Variants in PGGT1B observed in about 807,000 individuals in gnomAD.
The protein encoded by PGGT1B is protein geranylgeranyltransferase type I subunit beta.
In PGGT1B, 30 loss-of-function variants were observed where a neutral mutation model predicts 46.1. The observed-to-expected ratio is 0.65, with a 90% CI of 0.49 to 0.88. The LOEUF (loss-of-function observed/expected upper bound fraction) is 0.88. PGGT1B is among the 40% of genes least tolerant of loss of function. The pLI, the probability that PGGT1B is intolerant of heterozygous loss-of-function variation, is 0.00. For synonymous variants in PGGT1B, 170 were observed against 160.0 expected (o/e 1.06, Z -0.47); for missense variants, 376 against 455.9 (o/e 0.82, Z 1.60).
chr5:115,261,249 C>G (rs1181773072), intron 1 of PGGT1B, among the ~76,000 whole-genome samples: 1 of 152,154 alleles, frequency 6.6e-6, no homozygotes, highest in Non-Finnish European at 1.5e-5. Flanking sequence ...AAGGTATAGG[C>G]TCTGCTAATC....
chr5:115,229,412 G>C lies in PGGT1B; in HGVS notation c.658+1564C>G, dbSNP rs1174018475. On this transcript the variant is annotated intron_variant, in intron 6 of 8. Coordinates refer to ENST00000419445, the MANE Select transcript of PGGT1B (RefSeq NM_005023.4). ...TCAAACCTACCAAGCCAAATTTATA[G>C]ATAGAAGGAAGATATACGCTTTGGG... Among the ~76,000 whole-genome samples the C allele has an allele frequency of 3.3e-5, 5 of 152,256 alleles. No individual in the cohort carries two copies. In the South Asian group the frequency reaches 1.0e-3, roughly 32 times the overall value.
intron 1 of PGGT1B, chr5:115,262,386 G>GTCCTTT: frequency 3.1e-6 from 1 of 326,264 alleles, no homozygotes; most frequent in Non-Finnish European, 5.8e-6. Context: ...GACAAACTTT[G>GTCCTTT]TCCTTTTCCT....
At chr5:115,261,859 G>C (rs906259443) in intron 1 of PGGT1B, among the ~76,000 whole-genome samples, 2 of 152,110 alleles carry the variant, frequency 1.3e-5, no homozygotes, top group African/African-American at 4.8e-5. Context: ...TGCTTGTCTT[G>C]TTCAGCTGTA....
chr5:115,226,370 A>T (rs1337945595), intron 6 of PGGT1B, among the ~76,000 whole-genome samples: 1 of 152,104 alleles, frequency 6.6e-6, no homozygotes, highest in East Asian at 1.9e-4. Context: ...TCTGGACCCA[A>T]GTATTTTGGA....
rs1756106060 is a variant in PGGT1B, at chr5:115,207,729, T to C, written c.*4673A>G. On this transcript the variant is annotated 3_prime_UTR_variant, in exon 9 of 9. Transcript: ENST00000419445. ...CTAGATACATATTCATATCTGCAAA[T>C]AGTTTTACCTCTTCCTTTCCAATTC... The C allele has an allele frequency of 6.6e-6, 1 of 152,060 alleles. No homozygotes were observed. Among genetic ancestry groups the C allele is most frequent in the African/African-American group, 2.4e-5 (1 of 41,462 alleles). 9.4% of individuals were successfully genotyped at this position (152,060 alleles called of 1,614,324 possible).
chr5:115,218,071 C>T (rs532709812), intron 7 of PGGT1B, among the ~76,000 whole-genome samples: 1 of 151,662 alleles, frequency 6.6e-6, no homozygotes, highest in South Asian at 2.1e-4. Flanking sequence ...ATAAAGGTAA[C>T]CTTATATAGC....
chr5:115,227,099 A>G (rs1756812638), intron 6 of PGGT1B, among the ~76,000 whole-genome samples: 1 of 152,144 alleles, frequency 6.6e-6, no homozygotes, highest in African/African-American at 2.4e-5. Flanking sequence ...ACAAAGCTAG[A>G]CTGGAATCAG....
intron 1 of PGGT1B, among the ~76,000 whole-genome samples, chr5:115,257,358 CAA>C (rs1336245699): frequency 6.6e-6 from 1 of 151,718 alleles, no homozygotes; most frequent in African/African-American, 2.4e-5. Context: ...ACTAAAAATA[CAA>C]AAAGTCAGCT....
In PGGT1B at chr5:115,206,602, C is replaced by G. The variant is rs917704498; in HGVS notation, c.*5800G>C. 6.6e-6 allele frequency: 1 copy of G among 152,024 alleles called. No individual in the cohort carries two copies. Among genetic ancestry groups the G allele is most frequent in the African/African-American group, 2.4e-5 (1 of 41,438 alleles). The allele number at this position is 152,024 out of a possible 1,614,324, so 9.4% of individuals were successfully genotyped here. A position where few individuals can be genotyped will look rare whatever the true frequency, so the allele number is the denominator to read the frequency against. The stretch of plus-strand genomic sequence containing the variant: ...TTTCATTTATTCAACATTACGAATG[C>G]CTTCCAATATCCATACTTTAACAGT... On this transcript the variant is annotated 3_prime_UTR_variant, in exon 9 of 9. Transcript: ENST00000419445.
chr5:115,209,876 G>C lies in PGGT1B; in HGVS notation c.*2526C>G, dbSNP rs1470124167. On this transcript the variant is annotated 3_prime_UTR_variant, in exon 9 of 9. Coordinates refer to ENST00000419445, the MANE Select transcript of PGGT1B (RefSeq NM_005023.4). ...TTACCCTTATTTTATCCACGGCAGA[G>C]TTAGGGTCCAAGATCATGCTGCTGA... 6.6e-6 allele frequency: 1 copy of C among 152,000 alleles called. No homozygotes were observed. Among genetic ancestry groups the C allele is most frequent in the Non-Finnish European group, 1.5e-5 (1 of 67,998 alleles). 9.4% of individuals were successfully genotyped at this position (152,000 alleles called of 1,614,324 possible). A position where few individuals can be genotyped will look rare whatever the true frequency, so the allele number is the denominator to read the frequency against.
intron 1 of PGGT1B, among the ~76,000 whole-genome samples, chr5:115,256,473 G>T (rs553709982): frequency 1.6e-4 from 24 of 152,302 alleles, no homozygotes; most frequent in African/African-American, 5.1e-4. Flanking sequence ...GCTCCTGAAA[G>T]TCCAGCATTT....
At chr5:115,246,131 C>A (rs1444849806) in intron 2 of PGGT1B, among the ~76,000 whole-genome samples, 2 of 152,098 alleles carry the variant, frequency 1.3e-5, no homozygotes, top group Admixed American at 1.3e-4. Flanking sequence ...GTGGGTGGAT[C>A]ACCTGAGGTC....
In PGGT1B at chr5:115,205,944, T is replaced by A. The variant is rs937739016; in HGVS notation, c.*6458A>T. On this transcript the variant is annotated 3_prime_UTR_variant, in exon 9 of 9. Transcript: ENST00000419445. ...GAAAAATAAGGCACTGATTAATCAG[T>A]GCCTCATTTGCCATTAAAATGGTAA... The A allele has an allele frequency of 1.7e-5, 2 of 115,066 alleles. No homozygotes were observed. The highest frequency in any genetic ancestry group is 3.6e-5 in the Non-Finnish European group (2 of 55,158). The allele number at this position is 115,066 out of a possible 1,614,324, so 7.1% of individuals were successfully genotyped here.
At chr5:115,257,869 C>A (rs1347020396) in intron 1 of PGGT1B, among the ~76,000 whole-genome samples, 1 of 152,076 alleles carries the variant, frequency 6.6e-6, no homozygotes, top group African/African-American at 2.4e-5. Flanking sequence ...GAAGAGAGAG[C>A]CTTAGATGAT....
intron 2 of PGGT1B, among the ~76,000 whole-genome samples, chr5:115,249,577 G>C (rs1454451942): frequency 6.6e-6 from 1 of 151,168 alleles, no homozygotes; most frequent in East Asian, 1.9e-4. Context: ...GGGTGGAGCA[G>C]GTAATCGGAA....
intron 1 of PGGT1B, among the ~76,000 whole-genome samples, chr5:115,258,074 T>A (rs1748399109): frequency 6.6e-6 from 1 of 152,246 alleles, no homozygotes; most frequent in African/African-American, 2.4e-5. Context: ...ATTTAACTTG[T>A]AAAATAGTTT....
rs538020071 is a variant in PGGT1B, at chr5:115,247,846, G to C, written c.259+5291C>G. Among the ~76,000 whole-genome samples, 11 of 152,272 alleles carry C rather than the reference G, an allele frequency of 7.2e-5. No individual in the cohort carries two copies. In the South Asian group the frequency reaches 1.7e-3, roughly 23 times the overall value. On this transcript the variant is annotated intron_variant, in intron 2 of 8. Coordinates refer to ENST00000419445, the MANE Select transcript of PGGT1B (RefSeq NM_005023.4). ...AAATTGAGAATTCAGAATTGCAGCT[G>C]AACTGTGAAAAGGTCTGTGGAATGG...
chr5:115,248,170 T>G (rs1175751874), intron 2 of PGGT1B, among the ~76,000 whole-genome samples: 3 of 152,168 alleles, frequency 2.0e-5, no homozygotes, highest in Non-Finnish European at 4.4e-5. Context: ...ATGGGATCTA[T>G]TAAGGAACAG....
chr5:115,230,924 T>A, intron 6 of PGGT1B, 52 bp downstream of exon 6: 1 of 1,081,038 alleles, frequency 9.3e-7, no homozygotes, highest in Non-Finnish European at 1.4e-6. Context: ...CACCAAGATG[T>A]TGTCTAAGGG....
Sources: gnomAD v4.1 joint callset for allele counts (sites outside exome capture counted in the v4.1 genomes callset) on GRCh38, gnomAD v4.1.1 for gene constraint, MANE v1.5 for transcripts, NCBI Gene and HGNC (gene_info 2026-07-23, HGNC 2026-07-21) for gene names.